The following UGT1A8 variants were observed in gnomAD, a reference collection of about 807,000 sequenced individuals.
The protein encoded by UGT1A8 is UDP-glucuronosyltransferase 1A8.
A neutral mutation model predicts 45.3 loss-of-function variants in UGT1A8; 39 were observed. The ratio of observed to expected loss-of-function variants is 0.86; its 90% CI spans 0.67 to 1.12. The LOEUF is 1.12. UGT1A8 is among the 50% of genes most tolerant of loss of function. The pLI is 0.00. For synonymous variants in UGT1A8, 275 were observed against 249.2 expected (o/e 1.10, Z -0.97); for missense variants, 719 against 664.9 (o/e 1.08, Z -0.90).
chr2:233,668,960 G>A (rs1028231009), intron 1 of UGT1A8, among the ~76,000 whole-genome samples: 14 of 152,184 alleles, frequency 9.2e-5, no homozygotes, highest in African/African-American at 3.1e-4. Flanking sequence ...GAGGTATTCT[G>A]TAGAATGTTC....
chr2:233,730,079 T>A, intron 1 of UGT1A8: 1 of 1,605,320 alleles, frequency 6.2e-7, no homozygotes, highest in African/African-American at 1.3e-5. Context: ...CTTCCATATT[T>A]ACTTATCTTT....
chr2:233,676,216 G>A (rs993118721), intron 1 of UGT1A8, among the ~76,000 whole-genome samples: 3 of 152,082 alleles, frequency 2.0e-5, no homozygotes, highest in Non-Finnish European at 4.4e-5. Context: ...ATCCTTCACC[G>A]ATGGATTCAT....
intron 1 of UGT1A8, among the ~76,000 whole-genome samples, chr2:233,654,339 C>T (rs1321364959): frequency 1.3e-5 from 2 of 152,174 alleles, no homozygotes; most frequent in African/African-American, 4.8e-5. Flanking sequence ...ATTCAACCTT[C>T]AGGATTATGT....
chr2:233,673,429 C>T (rs2074258544), intron 1 of UGT1A8, among the ~76,000 whole-genome samples: 1 of 152,044 alleles, frequency 6.6e-6, no homozygotes, highest in Admixed American at 6.6e-5. Context: ...ATGAATAGGG[C>T]CGTGTAAACA....
At chr2:233,744,873 T>C (rs991695756) in intron 1 of UGT1A8, among the ~76,000 whole-genome samples, 13 of 151,922 alleles carry the variant, frequency 8.6e-5, no homozygotes, top group African/African-American at 3.2e-4. Context: ...AAGGGATTAG[T>C]TTAGGACAAC....
rs570797148 is a variant in UGT1A8, at chr2:233,754,249, G to A, written c.856-12785G>A. The A allele has an allele frequency of 1.1e-3, 192 of 168,812 alleles. 1 individual carries two copies. The South Asian group carries it at 0.012, about 11-fold the overall frequency. 10.5% of individuals were successfully genotyped at this position (168,812 alleles called of 1,614,324 possible). A position where few individuals can be genotyped will look rare whatever the true frequency, so the allele number is the denominator to read the frequency against. On this transcript the variant is annotated intron_variant, in intron 1 of 4. Coordinates refer to ENST00000373450, the MANE Select transcript of UGT1A8 (RefSeq NM_019076.5). ...ACCACCTGGCTCACACTTTCCCAAC[G>A]GAAAAAGGTAAGGCTCAAAGTGCTG...
At chr2:233,698,798 C>A (rs572322118) in intron 1 of UGT1A8, among the ~76,000 whole-genome samples, 2 of 152,356 alleles carry the variant, frequency 1.3e-5, no homozygotes, top group African/African-American at 4.8e-5. Context: ...AACCTCTGGG[C>A]TCCCAGCCTC....
chr2:233,622,978 A>G (rs1455188247), intron 1 of UGT1A8, among the ~76,000 whole-genome samples: 1 of 152,200 alleles, frequency 6.6e-6, no homozygotes, highest in East Asian at 1.9e-4. Context: ...TTTATTAAAT[A>G]AGGAATATTT....
At chr2:233,679,895 A>G (rs2074465447) in intron 1 of UGT1A8, among the ~76,000 whole-genome samples, 1 of 152,160 alleles carries the variant, frequency 6.6e-6, no homozygotes, top group African/African-American at 2.4e-5. Flanking sequence ...CACCCACATT[A>G]AAGTTGCATT....
At chr2:233,728,832 C>T (rs2077754724) in intron 1 of UGT1A8, among the ~76,000 whole-genome samples, 1 of 152,118 alleles carries the variant, frequency 6.6e-6, no homozygotes, top group African/African-American at 2.4e-5. Flanking sequence ...GTGTTCACAG[C>T]CTTGTGTTGG....
At chr2:233,736,931 A>ACCTATAT (rs1358475189) in intron 1 of UGT1A8, among the ~76,000 whole-genome samples, 2 of 152,012 alleles carry the variant, frequency 1.3e-5, no homozygotes, top group Non-Finnish European at 2.9e-5. Context: ...AGGCGCACCC[A>ACCTATAT]CCTATATGAG....
At position 233,772,521 on chromosome 2, in the gene UGT1A8, G is replaced by A. The variant is rs746578451; in HGVS notation, c.1555G>A (p.Gly519Arg). 24 of 1,614,040 alleles carry A rather than the reference G, an allele frequency of 1.5e-5. No individual in the cohort carries two copies. The highest frequency in any genetic ancestry group is 1.7e-6 in the Non-Finnish European group (2 of 1,180,036). ...CTACCGGAAATGCTTGGGGAAAAAA[G>A]GGCGAGTTAAGAAAGCCCACAAATC... ...YGYRKCLGKK[G>R]RVKKAHKSKT... The change falls in exon 5 of 5, where the codon GGG becomes AGG. Residue 519 changes from glycine (G) to arginine (R), a missense_variant. Coordinates refer to ENST00000373450, the MANE Select transcript of UGT1A8 (RefSeq NM_019076.5).
intron 1 of UGT1A8, chr2:233,681,922 G>C (rs888256988): frequency 5.0e-6 from 8 of 1,608,608 alleles, no homozygotes; most frequent in Non-Finnish European, 5.9e-6. Flanking sequence ...TGCTGGCTCT[G>C]GGCTGAAGTT....
chr2:233,687,787 T>A (rs931805606), intron 1 of UGT1A8, among the ~76,000 whole-genome samples: 6 of 151,992 alleles, frequency 3.9e-5, no homozygotes, highest in Non-Finnish European at 8.8e-5. Context: ...ATGCCTGTGG[T>A]CCCAGCTACT....
chr2:233,682,376 C>T (rs775782205), intron 1 of UGT1A8: 1 of 1,613,978 alleles, frequency 6.2e-7, no homozygotes, highest in East Asian at 2.2e-5. Flanking sequence ...TGCAGTGTTT[C>T]TCGATCCTTT....
chr2:233,627,624 TCTTCCTTCCTTCCTTCCTTCCTTC>T (rs4047191), intron 1 of UGT1A8, among the ~76,000 whole-genome samples: 45 of 112,020 alleles, frequency 4.0e-4, no homozygotes, highest in African/African-American at 1.3e-3. Flanking sequence ...TTCCTTCCTT[TCTTCCTTCCTTCCTTCCTTCCTTC>T]CTTCCTTCCT....
intron 1 of UGT1A8, chr2:233,637,424 A>G (rs1180195488): frequency 3.9e-6 from 6 of 1,548,984 alleles, no homozygotes; most frequent in Non-Finnish European, 5.2e-6. Context: ...TGGCTTTGGA[A>G]ATTAAAAAAG....
chr2:233,693,100 C>A (rs1292200749), intron 1 of UGT1A8: 2 of 1,614,114 alleles, frequency 1.2e-6, no homozygotes, highest in Non-Finnish European at 8.5e-7. Flanking sequence ...TGCTGGTGGT[C>A]CCTCAGGACG....
chr2:233,767,408 G>A (rs1042627267), intron 2 of UGT1A8, among the ~76,000 whole-genome samples: 3 of 152,112 alleles, frequency 2.0e-5, no homozygotes, highest in Non-Finnish European at 2.9e-5. Flanking sequence ...TTCTCTAAGA[G>A]ACTCAAAAGT....
Sources: allele counts gnomAD v4.1 joint callset (sites outside exome capture counted in the v4.1 genomes callset), GRCh38; gene constraint gnomAD v4.1.1; transcripts MANE v1.5; gene names NCBI Gene and HGNC (gene_info 2026-07-23, HGNC 2026-07-21).